The following PCDHA3 variants were observed in gnomAD, a reference collection of about 807,000 sequenced individuals.
PCDHA3 encodes protocadherin alpha 3.
Under a neutral mutation model 62.2 loss-of-function variants are expected in PCDHA3, and 41 were observed. The observed-to-expected ratio is 0.66, with a 90% CI of 0.51 to 0.86. The LOEUF (loss-of-function observed/expected upper bound fraction) is 0.86. Ranked by LOEUF, PCDHA3 falls within the 40% of genes least tolerant of loss-of-function variation. The pLI is 0.00. For missense variants in PCDHA3, 1,304 were observed against 1,241.2 expected (o/e 1.05, Z -0.76); for synonymous variants, 640 against 555.4 (o/e 1.15, Z -2.14).
At chr5:140,938,158 C>G (rs1308976624) in intron 1 of PCDHA3, among the ~76,000 whole-genome samples, 1 of 152,112 alleles carries the variant, frequency 6.6e-6, no homozygotes, top group African/African-American at 2.4e-5. Flanking sequence ...ATTGCCCAGG[C>G]TAGTCTGGAG....
intron 1 of PCDHA3, chr5:140,830,229 T>A (rs2150183105): frequency 2.0e-5 from 32 of 1,613,786 alleles, no homozygotes; most frequent in African/African-American, 2.7e-5. Flanking sequence ...CTGCTGGTCC[T>A]CACGCTACTG....
intron 1 of PCDHA3, among the ~76,000 whole-genome samples, chr5:140,971,595 A>G (rs1228003229): frequency 6.6e-6 from 1 of 152,110 alleles, no homozygotes; most frequent in African/African-American, 2.4e-5. Flanking sequence ...CCTAGTTACT[A>G]CAGATGGCAG....
At chr5:140,851,327 T>C in intron 1 of PCDHA3, 1 of 984,006 alleles carries the variant, frequency 1.0e-6, no homozygotes, top group East Asian at 8.4e-5. Context: ...GTTAAGTTTG[T>C]AGTTCTCTAC....
chr5:140,937,343 A>G (rs1412775724), intron 1 of PCDHA3, among the ~76,000 whole-genome samples: 1 of 151,948 alleles, frequency 6.6e-6, no homozygotes, highest in Non-Finnish European at 1.5e-5. Context: ...GGCTTCTTCC[A>G]TTTATTTTAT....
chr5:141,003,981 C>T (rs1485203944), intron 3 of PCDHA3, among the ~76,000 whole-genome samples: 9 of 152,072 alleles, frequency 5.9e-5, no homozygotes, highest in Admixed American at 2.6e-4. Flanking sequence ...GGGGACTTGC[C>T]GGAGATCCTA....
intron 1 of PCDHA3, among the ~76,000 whole-genome samples, chr5:140,916,214 C>A (rs1294292456): frequency 6.6e-6 from 1 of 152,266 alleles, no homozygotes; most frequent in African/African-American, 2.4e-5. Flanking sequence ...TGGGGAAGAT[C>A]CAAATATGCT....
chr5:140,941,194 TC>T lies in PCDHA3; in HGVS notation c.2395-37754del, dbSNP rs1420421121. 9.3e-3 allele frequency among the ~76,000 whole-genome samples: 1,044 copies of T among 112,328 alleles called. 8 individuals carry two copies. The highest frequency in any genetic ancestry group is 0.018 in the Admixed American group (200 of 11,012). 73.7% of individuals were successfully genotyped at this position (112,328 alleles called of 152,430 possible). The stretch of plus-strand genomic sequence containing the variant: ...CTTGAACATCCTGCTTCTTTTTTTT[TC>T]TTTCTTCCTTTCTTTCTTCCTTTCT... On this transcript the variant is annotated intron_variant, in intron 1 of 3. Coordinates refer to ENST00000522353, the MANE Select transcript of PCDHA3 (RefSeq NM_018906.3).
intron 3 of PCDHA3, among the ~76,000 whole-genome samples, chr5:141,008,176 C>T (rs2098363819): frequency 6.6e-6 from 1 of 152,032 alleles, no homozygotes; most frequent in East Asian, 1.9e-4. Context: ...AAAATGTGAC[C>T]ATTGATTGTG....
At chr5:140,882,860 A>G in intron 1 of PCDHA3, 1 of 1,614,218 alleles carries the variant, frequency 6.2e-7, no homozygotes, top group Non-Finnish European at 8.5e-7. Context: ...TGTACTGAGG[A>G]AAACACTGGA....
chr5:140,929,279 T>C (rs368682683), intron 1 of PCDHA3: 1 of 1,603,874 alleles, frequency 6.2e-7, no homozygotes, highest in Non-Finnish European at 8.5e-7. Context: ...ATATCCTGTA[T>C]TCAGATTCGG....
At chr5:140,834,216 C>G in intron 1 of PCDHA3, 1 of 658,062 alleles carries the variant, frequency 1.5e-6, no homozygotes, top group East Asian at 2.7e-5. Flanking sequence ...CTTTCGTAAT[C>G]AGCAAAAGGA....
chr5:140,841,274 C>T (rs1554138057), intron 1 of PCDHA3: 4 of 1,518,268 alleles, frequency 2.6e-6, no homozygotes. Context: ...TACAGTCGTT[C>T]ATCTTTATAT....
chr5:140,890,915 G>A (rs1169684735), intron 1 of PCDHA3, among the ~76,000 whole-genome samples: 4 of 152,116 alleles, frequency 2.6e-5, no homozygotes, highest in African/African-American at 9.7e-5. Flanking sequence ...AGAATAATTT[G>A]AGAGTTTCCT....
chr5:141,010,438 CA>C lies in PCDHA3; in HGVS notation c.*504del. ...TACAAGGAAGGCAAGAAAACAAAGA[CA>C]AATAAACAGCGGAAGTTATCAGTAT... On this transcript the variant is annotated 3_prime_UTR_variant, in exon 4 of 4. Transcript: ENST00000522353. 1.0e-6 allele frequency: 1 copy of C among 998,926 alleles called. No individual in the cohort carries two copies. The highest frequency in any genetic ancestry group is 1.4e-6 in the Non-Finnish European group (1 of 704,790). The allele number at this position is 998,926 out of a possible 1,614,324, so 61.9% of individuals were successfully genotyped here.
intron 1 of PCDHA3, among the ~76,000 whole-genome samples, chr5:140,932,585 T>C (rs1275216145): frequency 6.6e-6 from 1 of 151,944 alleles, no homozygotes; most frequent in Non-Finnish European, 1.5e-5. Flanking sequence ...GGTAATTAGA[T>C]GTTTTGTATA....
In PCDHA3 at chr5:140,801,645, T is replaced by G; in HGVS notation, c.448T>G (p.Ser150Ala). The change falls in exon 1 of 4, where the codon TCT becomes GCT. Residue 150 changes from serine to alanine, a missense_variant. Ser to Ala is a moderately conservative substitution (Grantham distance 99, BLOSUM62 1). Coordinates refer to ENST00000522353, the MANE Select transcript of PCDHA3 (RefSeq NM_018906.3). ...TATTTCCGAATCCCGACAGCCTGGC[T>G]CTCGGTTTTCGCTAGAGGGCGCATC... ...LFISESRQPGSRFSLEGASDA... is the reference protein window; with the variant it reads ...LFISESRQPGARFSLEGASDA... The G allele has an allele frequency of 6.2e-7, 1 of 1,614,188 alleles. No individual in the cohort carries two copies. Among genetic ancestry groups the G allele is most frequent in the Non-Finnish European group, 8.5e-7 (1 of 1,180,038 alleles).
At chr5:140,836,132 G>T in intron 1 of PCDHA3, 1 of 1,613,758 alleles carries the variant, frequency 6.2e-7, no homozygotes. Flanking sequence ...TTGTGCCGCG[G>T]TCTGTGGGCG....
rs138800056 is a variant in PCDHA3 at position 140,842,341 on chromosome 5, T to C, written c.2394+38750T>C. 5.9e-4 allele frequency: 943 copies of C among 1,607,778 alleles called. 5 individuals are homozygous for C. The highest frequency in any genetic ancestry group is 7.8e-4 in the Non-Finnish European group (921 of 1,174,582). ...GTCATTGCACCGTTTTAGTGAGAAT[T>C]TTGGATAAAAATGATAACGTCCCTG... On this transcript the variant is annotated intron_variant, in intron 1 of 3. Transcript: ENST00000522353.
intron 1 of PCDHA3, chr5:140,967,283 C>T: frequency 6.2e-7 from 1 of 1,613,158 alleles, no homozygotes; most frequent in Non-Finnish European, 8.5e-7. Context: ...AGAGAGTGCG[C>T]AGGACCCCGA....
Sources: allele counts gnomAD v4.1 joint callset (sites outside exome capture counted in the v4.1 genomes callset), GRCh38; gene constraint gnomAD v4.1.1; transcripts MANE v1.5; gene names NCBI Gene and HGNC (gene_info 2026-07-23, HGNC 2026-07-21).